Variants in MEGF11 observed in about 807,000 individuals in gnomAD.
The protein encoded by MEGF11 is multiple EGF like domains 11, also known as multiple epidermal growth factor-like domains protein 11.
MEGF11 carries 126 observed loss-of-function variants against 146.6 expected under a neutral mutation model. That is an observed-to-expected ratio of 0.86 (90% CI 0.74 to 1.00). The LOEUF is 1.00. Ranked by LOEUF, MEGF11 falls within the 50% of genes least tolerant of loss-of-function variation. The pLI is 0.00. For missense variants in MEGF11, 1,509 were observed against 1,521.2 expected (o/e 0.99, Z 0.13); for synonymous variants, 532 against 583.4 (o/e 0.91, Z 1.27).
chr15:66,198,686 A>AT (rs977392481), intron 1 of MEGF11, among the ~76,000 whole-genome samples: 1 of 151,958 alleles, frequency 6.6e-6, no homozygotes, highest in Non-Finnish European at 1.5e-5. Flanking sequence ...GGGTTTCATC[A>AT]TGTTGCCCAG....
chr15:65,985,614 A>C (rs2081828692), intron 5 of MEGF11, among the ~76,000 whole-genome samples: 1 of 152,204 alleles, frequency 6.6e-6, no homozygotes, highest in Admixed American at 6.5e-5. Flanking sequence ...AGTAGGAAGC[A>C]AAACTAGCCG....
At chr15:66,057,417 T>A (rs140883339) in intron 5 of MEGF11, among the ~76,000 whole-genome samples, 26 of 152,260 alleles carry the variant, frequency 1.7e-4, no homozygotes, top group African/African-American at 5.1e-4. Flanking sequence ...AATTCGTCAC[T>A]GTTTTGCAAC....
At chr15:66,095,090 G>A (rs543815173) in intron 4 of MEGF11, among the ~76,000 whole-genome samples, 27 of 152,312 alleles carry the variant, frequency 1.8e-4, no homozygotes, top group African/African-American at 6.0e-4. Flanking sequence ...AGACATCCAC[G>A]ATGATGATAA....
intron 1 of MEGF11, among the ~76,000 whole-genome samples, chr15:66,184,546 C>A (rs1371031709): frequency 3.3e-5 from 5 of 151,990 alleles, no homozygotes; most frequent in South Asian, 2.1e-4. Context: ...TCACTCTCCC[C>A]ACAACCCCAA....
chr15:66,078,636 C>A (rs145771588), intron 5 of MEGF11, among the ~76,000 whole-genome samples: 1 of 152,186 alleles, frequency 6.6e-6, no homozygotes, highest in Non-Finnish European at 1.5e-5. Flanking sequence ...GGGTGCAGTT[C>A]GTGAGTCCCC....
chr15:65,941,689 T>G (rs148666420), intron 10 of MEGF11, among the ~76,000 whole-genome samples: 283 of 152,372 alleles, frequency 1.9e-3, no homozygotes, highest in African/African-American at 6.4e-3. Context: ...AGAGAAGGCA[T>G]TACTGGCTAA....
chr15:65,963,081 TGGTTAGA>T (rs1415045966), intron 9 of MEGF11, among the ~76,000 whole-genome samples: 38 of 152,158 alleles, frequency 2.5e-4, no homozygotes, highest in Non-Finnish European at 4.9e-4. Context: ...ATTTGGGGCT[TGGTTAGA>T]TTTCTGTGGC....
intron 1 of MEGF11, among the ~76,000 whole-genome samples, chr15:66,223,917 G>A (rs572174362): frequency 6.6e-6 from 1 of 152,088 alleles, no homozygotes; most frequent in Non-Finnish European, 1.5e-5. Flanking sequence ...CCCTCCTTGG[G>A]GTGGCTGAGT....
intron 1 of MEGF11, among the ~76,000 whole-genome samples, chr15:66,230,263 C>T (rs542253125): frequency 2.0e-5 from 3 of 152,272 alleles, no homozygotes; most frequent in East Asian, 3.9e-4. Context: ...TTGCCTGCTC[C>T]CTTGTCTGGC....
At chr15:66,231,599 A>G (rs993988195) in intron 1 of MEGF11, among the ~76,000 whole-genome samples, 10 of 152,244 alleles carry the variant, frequency 6.6e-5, no homozygotes, top group Non-Finnish European at 1.5e-4. Flanking sequence ...TGAGTCATGA[A>G]CTGAGCTGCT....
At chr15:66,142,538 G>C (rs145755441) in intron 1 of MEGF11, among the ~76,000 whole-genome samples, 2 of 152,364 alleles carry the variant, frequency 1.3e-5, no homozygotes, top group Admixed American at 6.5e-5. Flanking sequence ...ATATGTCTCA[G>C]TGAGTAAGCG....
chr15:66,219,902 C>A (rs572491152), intron 1 of MEGF11, among the ~76,000 whole-genome samples: 3 of 152,170 alleles, frequency 2.0e-5, no homozygotes, highest in African/African-American at 7.2e-5. Flanking sequence ...ACATCCATAC[C>A]GTATATATTA....
At chr15:65,988,008 CTTT>C (rs35039801) in intron 5 of MEGF11, among the ~76,000 whole-genome samples, 8 of 93,596 alleles carry the variant, frequency 8.5e-5, no homozygotes, top group Non-Finnish European at 8.4e-5. Context: ...AGTACCCGGT[CTTT>C]TTTTTTTTTT....
At chr15:65,920,565 A>T (rs2079141313) in intron 15 of MEGF11, among the ~76,000 whole-genome samples, 1 of 152,232 alleles carries the variant, frequency 6.6e-6, no homozygotes, top group African/African-American at 2.4e-5. Context: ...TACCCACAGA[A>T]CTGCTAATAT....
At chr15:66,020,158 A>G (rs1273928454) in intron 5 of MEGF11, among the ~76,000 whole-genome samples, 2 of 152,188 alleles carry the variant, frequency 1.3e-5, no homozygotes, top group African/African-American at 4.8e-5. Context: ...AGATCATTCA[A>G]TTTCCTGGTC....
intron 4 of MEGF11, among the ~76,000 whole-genome samples, chr15:66,105,097 C>CAT (rs1220758150): frequency 6.6e-6 from 1 of 151,702 alleles, no homozygotes; most frequent in Non-Finnish European, 1.5e-5. Context: ...CTGGATCTTG[C>CAT]CTCAGGAGTT....
At chr15:65,922,008 CCA>C (rs2079184970) in intron 15 of MEGF11, 1 of 340,966 alleles carries the variant, frequency 2.9e-6, no homozygotes. Context: ...TCGGCACAGA[CCA>C]CATGGTGCCA....
At chr15:66,147,745 A>C (rs975625886) in intron 1 of MEGF11, among the ~76,000 whole-genome samples, 3 of 152,158 alleles carry the variant, frequency 2.0e-5, no homozygotes, top group Admixed American at 6.5e-5. Flanking sequence ...AGGGGGGCTC[A>C]GCCCCAGAAC....
intron 1 of MEGF11, among the ~76,000 whole-genome samples, chr15:66,140,066 C>A (rs992482962): frequency 1.3e-5 from 2 of 151,144 alleles, no homozygotes; most frequent in African/African-American, 4.8e-5. Flanking sequence ...AAAGCCAGTG[C>A]GGTTTTTTCT....
Sources: allele counts gnomAD v4.1 joint callset (sites outside exome capture counted in the v4.1 genomes callset), GRCh38; gene constraint gnomAD v4.1.1; transcripts MANE v1.5; gene names NCBI Gene and HGNC (gene_info 2026-07-23, HGNC 2026-07-21).